Variants in ZSCAN5A observed in about 807,000 individuals in gnomAD.
ZSCAN5A encodes zinc finger and SCAN domain-containing protein 5A.
Under a neutral mutation model 23.7 loss-of-function variants are expected in ZSCAN5A, and 12 were observed. That is an observed-to-expected ratio of 0.51 (90% CI 0.32 to 0.82). The LOEUF is 0.82. Ranked by LOEUF, ZSCAN5A falls within the 40% of genes least tolerant of loss-of-function variation. ZSCAN5A has a pLI of 0.03. For synonymous variants in ZSCAN5A, 257 were observed against 239.9 expected (o/e 1.07, Z -0.66); for missense variants, 597 against 617.9 (o/e 0.97, Z 0.36).
intron 2 of ZSCAN5A, chr19:56,320,992 C>T (rs2041369520): frequency 1.8e-5 from 13 of 713,116 alleles, no homozygotes; most frequent in Non-Finnish European, 2.9e-5. Flanking sequence ...CGCCACAGAC[C>T]GGTAAGTTGT....
intron 2 of ZSCAN5A, among the ~76,000 whole-genome samples, chr19:56,362,136 C>T (rs541479670): frequency 6.6e-5 from 9 of 136,796 alleles, no homozygotes; most frequent in East Asian, 4.3e-4. Context: ...CTAGCCTGGG[C>T]GACAGAGTGA....
At chr19:56,329,006 AAAATAAAT>A (rs1555811869) in intron 2 of ZSCAN5A, among the ~76,000 whole-genome samples, 6 of 144,584 alleles carry the variant, frequency 4.1e-5, no homozygotes, top group African/African-American at 1.1e-4. Flanking sequence ...AAAAAAAAAA[AAAATAAAT>A]AAATAAATAA....
At chr19:56,223,532 T>C (rs900531734) in intron 4 of ZSCAN5A, 99 bp downstream of exon 4, 3 of 1,270,044 alleles carry the variant, frequency 2.4e-6, no homozygotes, top group Non-Finnish European at 3.3e-6. Context: ...GGCTCTAATC[T>C]TGTCCTGTGT....
At chr19:56,233,734 CATAA>C (rs974829060) in intron 2 of ZSCAN5A, among the ~76,000 whole-genome samples, 1 of 148,332 alleles carries the variant, frequency 6.7e-6, no homozygotes, top group African/African-American at 2.5e-5. Context: ...TTTTTTTTGC[CATAA>C]ATATCAGCAG....
At position 56,221,519 on chromosome 19, in the gene ZSCAN5A, A is replaced by G. The variant is rs1388069954; in HGVS notation, c.*56T>C. 6 of 1,523,500 alleles carry G rather than the reference A, an allele frequency of 3.9e-6. No individual in the cohort carries two copies. The South Asian group carries it at 6.7e-5, about 17-fold the overall frequency. The allele number at this position is 1,523,500 out of a possible 1,614,324, so 94.4% of individuals were successfully genotyped here. ...TGTCAAATGTCATCTGATAACATTGATGAAAAATATCATTCACTTCTTCTT... is the reference window on the plus strand; with the variant it reads ...TGTCAAATGTCATCTGATAACATTGGTGAAAAATATCATTCACTTCTTCTT... On this transcript the variant is annotated 3_prime_UTR_variant, in exon 6 of 6. Transcript: ENST00000683990.
At chr19:56,346,850 C>T (rs1282435722) in intron 2 of ZSCAN5A, among the ~76,000 whole-genome samples, 1 of 152,112 alleles carries the variant, frequency 6.6e-6, no homozygotes, top group Admixed American at 6.5e-5. Context: ...GCCTCGGCCT[C>T]CCGAGTAGCT....
intron 2 of ZSCAN5A, among the ~76,000 whole-genome samples, chr19:56,355,747 A>G (rs1221473437): frequency 6.7e-6 from 1 of 148,686 alleles, no homozygotes; most frequent in Non-Finnish European, 1.5e-5. Flanking sequence ...CCTTCCATGT[A>G]TTTGTTCCTG....
intron 2 of ZSCAN5A, among the ~76,000 whole-genome samples, chr19:56,329,480 A>G (rs1190696577): frequency 6.6e-6 from 1 of 152,120 alleles, no homozygotes; most frequent in African/African-American, 2.4e-5. Flanking sequence ...AGTATTAAGT[A>G]TATCAGTAAA....
chr19:56,230,623 G>A lies in ZSCAN5A; in HGVS notation c.-127-5450C>T, dbSNP rs1237929381. 8.7e-3 allele frequency among the ~76,000 whole-genome samples: 441 copies of A among 50,572 alleles called. 3 individuals are homozygous for A. Among genetic ancestry groups the A allele is most frequent in the African/African-American group, 0.014 (349 of 25,262 alleles). 33.2% of individuals were successfully genotyped at this position (50,572 alleles called of 152,430 possible). A position where few individuals can be genotyped will look rare whatever the true frequency, so the allele number is the denominator to read the frequency against. On this transcript the variant is annotated intron_variant, in intron 2 of 5. Transcript: ENST00000683990. The stretch of plus-strand genomic sequence containing the variant: ...TTTCTTTTTATTTCTTGATGTGTGT[G>A]TGTGTGTGTGTGTGTGTGTGTGTGT...
chr19:56,315,892 C>T (rs2041301300), upstream of ZSCAN5A: 1 of 152,218 alleles, frequency 6.6e-6, no homozygotes, highest in African/African-American at 2.4e-5. Context: ...ATGTCAGCGG[C>T]TTTGATGATC....
chr19:56,340,555 T>A (rs1198320307), intron 2 of ZSCAN5A, among the ~76,000 whole-genome samples: 1 of 152,206 alleles, frequency 6.6e-6, no homozygotes, highest in East Asian at 1.9e-4. Context: ...GCTAGAGAAA[T>A]CTCAAACAAA....
At chr19:56,357,114 C>G (rs1257210947) in intron 2 of ZSCAN5A, among the ~76,000 whole-genome samples, 1 of 148,798 alleles carries the variant, frequency 6.7e-6, no homozygotes, top group Non-Finnish European at 1.5e-5. Flanking sequence ...GGGCCTTCTT[C>G]TCCTCTTTCT....
chr19:56,247,982 A>T (rs958206528), intron 2 of ZSCAN5A, among the ~76,000 whole-genome samples: 1 of 152,146 alleles, frequency 6.6e-6, no homozygotes, highest in Non-Finnish European at 1.5e-5. Flanking sequence ...GAGCCACCGC[A>T]CCTGGCCTGT....
intron 2 of ZSCAN5A, among the ~76,000 whole-genome samples, chr19:56,243,295 T>A (rs1400285374): frequency 1.3e-5 from 2 of 152,140 alleles, no homozygotes; most frequent in African/African-American, 2.4e-5. Context: ...TAGACAGTGG[T>A]GATGGTTGCA....
intron 2 of ZSCAN5A, among the ~76,000 whole-genome samples, chr19:56,301,630 A>G (rs574519919): frequency 8.4e-4 from 128 of 152,286 alleles, no homozygotes; most frequent in Non-Finnish European, 1.4e-3. Flanking sequence ...AGTAGGGCTC[A>G]GCCTCATTTT....
intron 2 of ZSCAN5A, among the ~76,000 whole-genome samples, chr19:56,359,941 T>C (rs1002510281): frequency 6.6e-6 from 1 of 152,136 alleles, no homozygotes. Context: ...ATAAGAGCCA[T>C]TTATGACAAA....
intron 2 of ZSCAN5A, among the ~76,000 whole-genome samples, chr19:56,267,912 A>G (rs1169966722): frequency 1.3e-5 from 2 of 152,188 alleles, no homozygotes; most frequent in Non-Finnish European, 2.9e-5. Flanking sequence ...ACTGAGGTCC[A>G]AAGAAAAGAA....
At chr19:56,237,094 G>C (rs1056993652) in intron 2 of ZSCAN5A, among the ~76,000 whole-genome samples, 5 of 152,230 alleles carry the variant, frequency 3.3e-5, no homozygotes, top group Non-Finnish European at 5.9e-5. Flanking sequence ...GGAAGCTCTT[G>C]GGCCTCTTGC....
chr19:56,277,594 A>G (rs2038362409), intron 2 of ZSCAN5A, among the ~76,000 whole-genome samples: 3 of 152,170 alleles, frequency 2.0e-5, no homozygotes. Flanking sequence ...GGGGTGATTA[A>G]AGCCTCTAAA....
Sources: allele counts gnomAD v4.1 joint callset (sites outside exome capture counted in the v4.1 genomes callset), GRCh38; gene constraint gnomAD v4.1.1; transcripts MANE v1.5; gene names NCBI Gene and HGNC (gene_info 2026-07-23, HGNC 2026-07-21).